The following IL1RAP variants were observed in gnomAD, a reference collection of about 807,000 sequenced individuals.
The protein encoded by IL1RAP is interleukin 1 receptor accessory protein, also known as interleukin-1 receptor accessory protein.
Under a neutral mutation model 60.7 loss-of-function variants are expected in IL1RAP, and 35 were observed. The ratio of observed to expected loss-of-function variants is 0.58; its 90% CI spans 0.44 to 0.76. The LOEUF (loss-of-function observed/expected upper bound fraction) is 0.76. Among genes scored for constraint, IL1RAP ranks in the 30% least tolerant of loss-of-function variants. IL1RAP has a pLI of 0.00. For synonymous variants in IL1RAP, 268 were observed against 250.9 expected, an observed-to-expected ratio of 1.07 and a Z score of -0.64; for missense variants, 572 against 693.9, an observed-to-expected ratio of 0.82 and a Z score of 1.97.
intron 1 of IL1RAP, among the ~76,000 whole-genome samples, chr3:190,543,123 C>T (rs1724085818): frequency 6.6e-6 from 1 of 151,976 alleles, no homozygotes; most frequent in Non-Finnish European, 1.5e-5. Context: ...AGCAGCATAA[C>T]CAAGGCTTAC....
chr3:190,630,948 G>T (rs1045182292), intron 9 of IL1RAP, among the ~76,000 whole-genome samples: 4 of 152,172 alleles, frequency 2.6e-5, no homozygotes, highest in African/African-American at 9.7e-5. Flanking sequence ...ACCTATATAT[G>T]AAATGCTCAA....
At chr3:190,627,543 A>T (rs1198493572) in intron 8 of IL1RAP, 94 bp downstream of exon 8, 1 of 1,402,102 alleles carries the variant, frequency 7.1e-7, no homozygotes, top group East Asian at 2.6e-5. Flanking sequence ...AAAAATTCTC[A>T]TTTTTCCCTA....
intron 4 of IL1RAP, among the ~76,000 whole-genome samples, chr3:190,607,423 A>T (rs1157023661): frequency 6.6e-6 from 1 of 152,216 alleles, no homozygotes. Flanking sequence ...ACTGTACTAG[A>T]TGCAATTTAT....
chr3:190,527,572 C>T (rs1253343117), intron 1 of IL1RAP, among the ~76,000 whole-genome samples: 1 of 152,010 alleles, frequency 6.6e-6, no homozygotes, highest in African/African-American at 2.4e-5. Context: ...AGTTTCATTC[C>T]AGTTGACAGT....
At chr3:190,599,079 T>C (rs1729626027) in intron 3 of IL1RAP, among the ~76,000 whole-genome samples, 1 of 152,152 alleles carries the variant, frequency 6.6e-6, no homozygotes, top group South Asian at 2.1e-4. Flanking sequence ...TTGTGATTAT[T>C]TTTTCCCTTA....
intron 1 of IL1RAP, among the ~76,000 whole-genome samples, chr3:190,543,554 T>C (rs992073591): frequency 6.6e-6 from 1 of 152,192 alleles, no homozygotes; most frequent in African/African-American, 2.4e-5. Context: ...AAATTACATC[T>C]GGCAGAGGGA....
intron 1 of IL1RAP, among the ~76,000 whole-genome samples, chr3:190,550,995 G>A (rs970777216): frequency 6.6e-6 from 1 of 152,160 alleles, no homozygotes; most frequent in African/African-American, 2.4e-5. Context: ...GGTTTTGGTG[G>A]AACTCTATTC....
intron 3 of IL1RAP, among the ~76,000 whole-genome samples, chr3:190,586,869 A>T (rs895349102): frequency 2.0e-5 from 3 of 152,032 alleles, no homozygotes; most frequent in Non-Finnish European, 4.4e-5. Flanking sequence ...GACAGATGTG[A>T]TCTACCCCGC....
At chr3:190,633,293 C>G (rs1210376508) in intron 9 of IL1RAP, among the ~76,000 whole-genome samples, 1 of 152,010 alleles carries the variant, frequency 6.6e-6, no homozygotes, top group Non-Finnish European at 1.5e-5. Flanking sequence ...AGTGTACAGG[C>G]CTTGCATATA....
chr3:190,619,301 A>G (rs1731551770), intron 5 of IL1RAP, among the ~76,000 whole-genome samples: 1 of 152,226 alleles, frequency 6.6e-6, no homozygotes, highest in Non-Finnish European at 1.5e-5. Flanking sequence ...GTGGACTGAG[A>G]TAGTTCAATT....
At chr3:190,581,556 A>T (rs2108679903) in intron 3 of IL1RAP, among the ~76,000 whole-genome samples, 1 of 152,296 alleles carries the variant, frequency 6.6e-6, no homozygotes, top group Non-Finnish European at 1.5e-5. Flanking sequence ...CAAAATCCAG[A>T]TGTTGAGTTT....
intron 1 of IL1RAP, among the ~76,000 whole-genome samples, chr3:190,517,209 A>G (rs550954597): frequency 6.6e-6 from 1 of 152,316 alleles, no homozygotes; most frequent in East Asian, 1.9e-4. Flanking sequence ...TGGATGTAAT[A>G]CACCTTTGAT....
At chr3:190,628,973 G>A (rs1192848303) in intron 8 of IL1RAP, among the ~76,000 whole-genome samples, 2 of 152,166 alleles carry the variant, frequency 1.3e-5, no homozygotes, top group Non-Finnish European at 2.9e-5. Context: ...AAAGTATATA[G>A]CCAGGAATTG....
At chr3:190,518,143 C>T (rs903167163) in intron 1 of IL1RAP, 10 of 150,904 alleles carry the variant, frequency 6.6e-5, no homozygotes, top group Non-Finnish European at 1.2e-4. Flanking sequence ...GGAGACATCC[C>T]TTTGGTCTGA....
rs143025287 is a variant in IL1RAP at position 190,562,371 on chromosome 3, G to GT, written c.-1-1908dup. ...CACTTTTTACTTCATATTGCAGGGG[G>GT]TTTTTTTTTTGGTGCACATTTTAAG... On this transcript the variant is annotated intron_variant, in intron 2 of 11. Coordinates refer to ENST00000447382, the MANE Select transcript of IL1RAP (RefSeq NM_002182.4). Among the ~76,000 whole-genome samples, 1,101 of 147,442 alleles carry GT rather than the reference G, an allele frequency of 7.5e-3. 2 individuals are homozygous for GT. The highest frequency in any genetic ancestry group is 0.023 in the African/African-American group (929 of 40,670).
intron 3 of IL1RAP, among the ~76,000 whole-genome samples, chr3:190,591,723 G>A (rs1728955183): frequency 6.6e-6 from 1 of 152,028 alleles, no homozygotes; most frequent in Admixed American, 6.6e-5. Context: ...AGAATAAAGA[G>A]AGCAAAAGCT....
intron 7 of IL1RAP, among the ~76,000 whole-genome samples, chr3:190,623,849 C>T (rs748251979): frequency 1.1e-4 from 16 of 152,172 alleles, no homozygotes; most frequent in South Asian, 2.1e-4. Context: ...TAGACATTGA[C>T]GCAGAACACT....
chr3:190,654,079 T>A (rs12108144), downstream of IL1RAP, among the ~76,000 whole-genome samples: 7,325 of 152,100 alleles, frequency 0.048, 515 homozygotes, highest in African/African-American at 0.16. Context: ...GACTCAAAAG[T>A]CATTTTTTAA....
At chr3:190,585,695 C>T (rs1425591497) in intron 3 of IL1RAP, among the ~76,000 whole-genome samples, 1 of 151,874 alleles carries the variant, frequency 6.6e-6, no homozygotes, top group African/African-American at 2.4e-5. Context: ...GCCTGCAGTC[C>T]CAGCTACTTG....
Sources: allele counts gnomAD v4.1 joint callset (sites outside exome capture counted in the v4.1 genomes callset), GRCh38; gene constraint gnomAD v4.1.1; transcripts MANE v1.5; gene names NCBI Gene and HGNC (gene_info 2026-07-23, HGNC 2026-07-21).